Variants in USP32 observed in about 807,000 individuals in gnomAD.
USP32 encodes the protein ubiquitin carboxyl-terminal hydrolase 32.
A neutral mutation model predicts 204.8 loss-of-function variants in USP32; 59 were observed. The ratio of observed to expected loss-of-function variants is 0.29; its 90% CI spans 0.23 to 0.36. The LOEUF is 0.36. Among genes scored for constraint, USP32 ranks in the 10% least tolerant of loss-of-function variants. The pLI, the probability that USP32 is intolerant of heterozygous loss-of-function variation, is 1.00. For synonymous variants in USP32, 517 were observed against 678.4 expected, an observed-to-expected ratio of 0.76 and a Z score of 3.70; for missense variants, 1,160 against 1,946.4, an observed-to-expected ratio of 0.60 and a Z score of 7.60.
At chr17:60,388,676 TAAGA>T (rs1458781049) in intron 1 of USP32, among the ~76,000 whole-genome samples, 3 of 152,208 alleles carry the variant, frequency 2.0e-5, no homozygotes, top group East Asian at 1.9e-4. Context: ...TCAAAATATT[TAAGA>T]AAGATAGATT....
At chr17:60,384,281 T>C (rs535826718) in intron 1 of USP32, among the ~76,000 whole-genome samples, 19 of 152,332 alleles carry the variant, frequency 1.2e-4, no homozygotes, top group Admixed American at 5.2e-4. Flanking sequence ...AAGGCAACCA[T>C]AGCAAATGTT....
intron 5 of USP32, among the ~76,000 whole-genome samples, chr17:60,286,000 G>A (rs781755412): frequency 6.4e-4 from 98 of 152,168 alleles, no homozygotes; most frequent in Non-Finnish European, 1.2e-3. Context: ...AGCTGGCATG[G>A]TAGTGCATGC....
intron 26 of USP32, among the ~76,000 whole-genome samples, chr17:60,199,114 CAA>C (rs374479254): frequency 3.7e-5 from 3 of 81,084 alleles, no homozygotes; most frequent in Admixed American, 1.4e-4. Context: ...AGACCTGTCT[CAA>C]AAAAAAAAAG....
chr17:60,249,626 G>A, intron 11 of USP32: 1 of 659,166 alleles, frequency 1.5e-6, no homozygotes, highest in Admixed American at 2.3e-5. Flanking sequence ...CAGACTTGCT[G>A]GATGGGAGGA....
At chr17:60,406,783 G>A (rs1313380306) in intron 1 of USP32, among the ~76,000 whole-genome samples, 1 of 152,116 alleles carries the variant, frequency 6.6e-6, no homozygotes, top group Non-Finnish European at 1.5e-5. Context: ...CAAAGTACTG[G>A]GATTACAGAC....
At chr17:60,352,490 T>G (rs2088972252) in intron 1 of USP32, among the ~76,000 whole-genome samples, 1 of 152,208 alleles carries the variant, frequency 6.6e-6, no homozygotes, top group South Asian at 2.1e-4. Context: ...CCCTTATATC[T>G]TATTTAAACT....
At chr17:60,249,456 T>TA (rs2086113812) in intron 11 of USP32, 1 of 407,562 alleles carries the variant, frequency 2.5e-6, no homozygotes, top group Non-Finnish European at 4.4e-6. Context: ...GGTCTGTTGT[T>TA]AGTCTGCTGC....
chr17:60,370,498 C>T (rs2089415761), intron 1 of USP32, among the ~76,000 whole-genome samples: 1 of 152,092 alleles, frequency 6.6e-6, no homozygotes, highest in Non-Finnish European at 1.5e-5. Context: ...CAATGGCTCA[C>T]ACCTGTAATC....
chr17:60,395,975 T>C (rs567365159), upstream of USP32, among the ~76,000 whole-genome samples: 1 of 152,214 alleles, frequency 6.6e-6, no homozygotes, highest in Admixed American at 6.5e-5. Flanking sequence ...AGAGAATTGA[T>C]TTTTCAGTAT....
intron 1 of USP32, among the ~76,000 whole-genome samples, chr17:60,369,193 A>C (rs929740880): frequency 7.2e-6 from 1 of 138,198 alleles, no homozygotes; most frequent in Non-Finnish European, 1.5e-5. Flanking sequence ...ACGGGGTTTC[A>C]CCGTTTTAGC....
chr17:60,325,307 G>A (rs761471046), intron 2 of USP32, among the ~76,000 whole-genome samples: 3 of 152,024 alleles, frequency 2.0e-5, no homozygotes, highest in Admixed American at 6.5e-5. Flanking sequence ...CCAGCTACTT[G>A]GAAGGCTGAG....
chr17:60,366,450 G>A (rs899150580), intron 1 of USP32, among the ~76,000 whole-genome samples: 1 of 151,912 alleles, frequency 6.6e-6, no homozygotes, highest in Non-Finnish European at 1.5e-5. Flanking sequence ...AGCCACAGTA[G>A]AGACGGGGTT....
intron 2 of USP32, among the ~76,000 whole-genome samples, chr17:60,325,569 G>A (rs2088213284): frequency 6.6e-6 from 1 of 152,076 alleles, no homozygotes; most frequent in South Asian, 2.1e-4. Flanking sequence ...AGGGATGTAA[G>A]AAAGTTAAAT....
chr17:60,261,679 A>C (rs1265756653), intron 9 of USP32, among the ~76,000 whole-genome samples: 1 of 152,122 alleles, frequency 6.6e-6, no homozygotes, highest in East Asian at 1.9e-4. Context: ...CAAAAACAAA[A>C]AAACAAAAAA....
At chr17:60,380,614 G>A (rs11650805) in intron 1 of USP32, among the ~76,000 whole-genome samples, 1 of 152,030 alleles carries the variant, frequency 6.6e-6, no homozygotes, top group Non-Finnish European at 1.5e-5. Context: ...ATAATAATTA[G>A]CCCACTTAAT....
At chr17:60,221,638 C>G (rs2085251332) in intron 15 of USP32, among the ~76,000 whole-genome samples, 1 of 151,888 alleles carries the variant, frequency 6.6e-6, no homozygotes, top group Non-Finnish European at 1.5e-5. Context: ...TACCAAGTAG[C>G]TGGAACTACA....
rs149459704 is a variant in USP32, at chr17:60,205,641, A to C, written c.3055T>G (p.Ser1019Ala). 6.2e-7 allele frequency: 1 copy of C among 1,613,888 alleles called. No homozygotes were observed. The highest frequency in any genetic ancestry group is 1.3e-5 in the African/African-American group (1 of 74,938). Residue 1019 changes from serine to alanine, a missense_variant, in exon 26 of 34, where the codon TCT becomes GCT. Transcript: ENST00000300896. The part of the protein sequence containing the change: ...PTQTDFSSSP[S>A]TNEMFTLTTN... ...GTTAGGGTGAACATTTCATTTGTAG[A>C]TGGCGAAGAGGAGAAATCTACAAAT...
At chr17:60,368,796 T>A (rs1282676164) in intron 1 of USP32, among the ~76,000 whole-genome samples, 1 of 152,058 alleles carries the variant, frequency 6.6e-6, no homozygotes, top group Non-Finnish European at 1.5e-5. Context: ...TTTTAATACA[T>A]ATAAGCGAAA....
intron 1 of USP32, among the ~76,000 whole-genome samples, chr17:60,353,730 G>C (rs1348479736): frequency 6.6e-6 from 1 of 152,176 alleles, no homozygotes; most frequent in Non-Finnish European, 1.5e-5. Context: ...GACAGAGTGA[G>C]ACTCTGTCTA....
Sources: gnomAD v4.1 joint callset for allele counts (sites outside exome capture counted in the v4.1 genomes callset) on GRCh38, gnomAD v4.1.1 for gene constraint, MANE v1.5 for transcripts, NCBI Gene and HGNC (gene_info 2026-07-23, HGNC 2026-07-21) for gene names.